The following SAFB variants were observed in gnomAD, a reference collection of about 807,000 sequenced individuals.
SAFB encodes the protein scaffold attachment factor B.
A neutral mutation model predicts 101.6 loss-of-function variants in SAFB; 15 were observed. That is an observed-to-expected ratio of 0.15 (90% CI 0.10 to 0.23). The LOEUF (loss-of-function observed/expected upper bound fraction) is 0.23, where lower values mean the gene tolerates loss of function less well. Ranked by LOEUF, SAFB falls within the 10% of genes least tolerant of loss-of-function variation. SAFB has a pLI of 1.00. For missense variants in SAFB, 930 were observed against 1,104.1 expected, an observed-to-expected ratio of 0.84 and a Z score of 2.23; for synonymous variants, 449 against 407.5, an observed-to-expected ratio of 1.10 and a Z score of -1.23.
intron 2 of SAFB, among the ~76,000 whole-genome samples, chr19:5,638,701 ACTTAAT>A (rs1024411503): frequency 7.1e-6 from 1 of 140,908 alleles, no homozygotes; most frequent in Admixed American, 7.1e-5. Context: ...TTTTTTTTAT[ACTTAAT>A]CTTAGTCTTT....
At chr19:5,646,833 G>A (rs371376559) in intron 5 of SAFB, among the ~76,000 whole-genome samples, 22 of 152,300 alleles carry the variant, frequency 1.4e-4, no homozygotes, top group African/African-American at 3.6e-4. Context: ...CCCCATGCTC[G>A]TGGGGCCTGG....
chr19:5,662,078 G>A (rs866120461), intron 15 of SAFB, among the ~76,000 whole-genome samples: 1 of 152,050 alleles, frequency 6.6e-6, no homozygotes, highest in African/African-American at 2.4e-5. Context: ...GTAGAGACGG[G>A]GTTTCACTGT....
chr19:5,630,227 A>G (rs1461776286), intron 2 of SAFB, among the ~76,000 whole-genome samples: 1 of 152,072 alleles, frequency 6.6e-6, no homozygotes. Context: ...TTTCGTTTGC[A>G]TTTCTTCACA....
chr19:5,648,777 C>T, intron 6 of SAFB: 1 of 717,710 alleles, frequency 1.4e-6, no homozygotes, highest in Non-Finnish European at 2.5e-6. Context: ...GGATGCTTTT[C>T]TCTTCCGTGT....
intron 2 of SAFB, among the ~76,000 whole-genome samples, chr19:5,626,840 G>A (rs1568244930): frequency 6.6e-6 from 1 of 152,166 alleles, no homozygotes; most frequent in Non-Finnish European, 1.5e-5. Context: ...GAGCCTGGGA[G>A]TTCAAGACCA....
chr19:5,657,357 G>A lies in SAFB; in HGVS notation c.1862+10G>A. 2.6e-6 allele frequency: 4 copies of A among 1,564,226 alleles called. No individual in the cohort carries two copies. Among genetic ancestry groups the A allele is most frequent in the Non-Finnish European group, 3.5e-6 (4 of 1,135,570 alleles). ...ACTCAGAGTCCCATAGGTGAGTAGG[G>A]ATCCAGGAACGGTTTGGTGTTTTTC... On this transcript the variant is annotated intron_variant, in intron 14 of 20. Coordinates refer to ENST00000588852, the MANE Select transcript of SAFB (RefSeq NM_001201338.2).
At position 5,653,351 on chromosome 19, in the gene SAFB, C is replaced by G; in HGVS notation, c.1457C>G (p.Pro486Arg). Residue 486 changes from proline (P) to arginine (R), a missense_variant, in exon 11 of 21, where the codon CCT (proline) becomes CGT (arginine). Physicochemically the swap from Pro to Arg is moderately radical, Grantham distance 103 (BLOSUM62 -2). Around this residue, in one of 7 missense-constraint regions of SAFB, gnomAD observed 92 missense variants for 83.8 expected, o/e 1.10. Transcript: ENST00000588852. ...MISVEKAKNE[P>R]VGKKTSDKRD... is the part of the protein sequence containing the mutation. ...TCTCTTTTTCAGGCCAAAAATGAAC[C>G]TGTGGGAAAGAAAACCTCTGACAAA... 2 of 1,614,106 alleles carry G rather than the reference C, an allele frequency of 1.2e-6. No individual in the cohort carries two copies. Among genetic ancestry groups the G allele is most frequent in the African/African-American group, 1.3e-5 (1 of 75,014 alleles).
intron 14 of SAFB, among the ~76,000 whole-genome samples, chr19:5,660,463 C>T (rs918977820): frequency 1.4e-5 from 2 of 146,794 alleles, no homozygotes; most frequent in Non-Finnish European, 3.0e-5. Context: ...AGTGATTGAT[C>T]CTCCCACCTC....
rs778094826 is a variant in SAFB at position 5,668,184 on chromosome 19, G to A, written c.2647G>A (p.Gly883Arg). The A allele has an allele frequency of 1.7e-5, 28 of 1,604,496 alleles. No individual in the cohort carries two copies. The highest frequency in any genetic ancestry group is 1.6e-4 in the South Asian group (14 of 89,970). The change falls in exon 21 of 21, where the codon GGG becomes AGG. Residue 883 changes from glycine to arginine, a missense_variant. Physicochemically the swap from Gly to Arg is moderately radical, Grantham distance 125 (BLOSUM62 -2). Around this residue, in one of 7 missense-constraint regions of SAFB, gnomAD observed 318 missense variants for 342.6 expected, o/e 0.93. Coordinates refer to ENST00000588852, the MANE Select transcript of SAFB (RefSeq NM_001201338.2). ...TAGGCGCGGCAGCTTTGCCCCAGGCGGGGCCTCCCGGGGCCACCCCATCCC... is the reference window on the plus strand; with the variant it reads ...TAGGCGCGGCAGCTTTGCCCCAGGCAGGGCCTCCCGGGGCCACCCCATCCC... ...MSGRGSFAPG[G>R]ASRGHPIPHG...
At chr19:5,648,395 G>A in intron 6 of SAFB, 1 of 311,348 alleles carries the variant, frequency 3.2e-6, no homozygotes, top group Non-Finnish European at 5.9e-6. Context: ...ATATTGGGCA[G>A]TAGCTTAATT....
intron 13 of SAFB, among the ~76,000 whole-genome samples, chr19:5,656,663 G>A (rs1226679032): frequency 6.8e-6 from 1 of 146,818 alleles, no homozygotes; most frequent in African/African-American, 2.5e-5. Flanking sequence ...TGCAACTACT[G>A]CCTCCCAGGT....
At chr19:5,624,080 C>T (rs2053275087) in intron 1 of SAFB, 1 of 151,786 alleles carries the variant, frequency 6.6e-6, no homozygotes, top group Non-Finnish European at 1.5e-5. Context: ...TTAAAACCAG[C>T]CTCAGAACTG....
intron 4 of SAFB, 76 bp downstream of exon 4, chr19:5,642,022 T>C (rs1002629130): frequency 1.4e-5 from 17 of 1,190,790 alleles, no homozygotes; most frequent in Non-Finnish European, 2.1e-5. Flanking sequence ...ATCAGTTTCA[T>C]ATTGGGAAGT....
At chr19:5,626,269 G>GC in intron 1 of SAFB, 136 bp from the exon 2 acceptor site, 2 of 577,674 alleles carry the variant, frequency 3.5e-6, no homozygotes, top group South Asian at 4.5e-5. Flanking sequence ...GAGTGGATGG[G>GC]CCACAGGTCC....
intron 14 of SAFB, among the ~76,000 whole-genome samples, chr19:5,658,851 A>AGG (rs1262568053): frequency 9.1e-6 from 1 of 110,370 alleles, no homozygotes; most frequent in Non-Finnish European, 1.8e-5. Flanking sequence ...TCAAAAAAAA[A>AGG]GGGGGGGTCG....
At chr19:5,664,570 A>G in intron 17 of SAFB, 131 bp downstream of exon 17, 2 of 734,358 alleles carry the variant, frequency 2.7e-6, no homozygotes, top group South Asian at 3.1e-5. Flanking sequence ...AAAGCACTAG[A>G]AAAGTCTAGG....
At chr19:5,650,127 C>A in intron 8 of SAFB, 152 bp downstream of exon 8, 1 of 648,500 alleles carries the variant, frequency 1.5e-6, no homozygotes, top group Non-Finnish European at 2.7e-6. Flanking sequence ...GTTACCGCTA[C>A]AGGTTCTGGG....
chr19:5,660,853 C>T (rs2054183577), intron 14 of SAFB, among the ~76,000 whole-genome samples: 1 of 151,780 alleles, frequency 6.6e-6, no homozygotes, highest in Non-Finnish European at 1.5e-5. Flanking sequence ...CTAGCCCCAC[C>T]TCACAAAGAC....
Position 5,653,414 on chromosome 19 carries a change from G to A in SAFB, c.1520G>A (p.Ser507Asn), listed in dbSNP as rs1257346475. Residue 507 changes from serine to asparagine, a missense_variant, in exon 11 of 21, where the codon AGT (serine) becomes AAT (asparagine). Physicochemically the swap from Ser to Asn is conservative, Grantham distance 46. Around this residue, in one of 7 missense-constraint regions of SAFB, gnomAD observed 92 missense variants for 83.8 expected, o/e 1.10. Coordinates refer to ENST00000588852, the MANE Select transcript of SAFB (RefSeq NM_001201338.2). The stretch of plus-strand genomic sequence containing the variant: ...GGGAAAAAGGAGAAGTCGAGCAACA[G>A]TGACAGGTACCCCTCCTTCCTGGCT... ...SDGKKEKSSN[S>N]DRSTNLKRDD... 3 of 1,613,962 alleles carry A rather than the reference G, an allele frequency of 1.9e-6. No homozygotes were observed. The highest frequency in any genetic ancestry group is 1.1e-5 in the South Asian group (1 of 91,076).
Sources: gnomAD v4.1 joint callset for allele counts (sites outside exome capture counted in the v4.1 genomes callset) on GRCh38, gnomAD v4.1.1 for gene constraint, gnomAD v4.1.1 regional missense constraint, MANE v1.5 for transcripts, NCBI Gene and HGNC (gene_info 2026-07-23, HGNC 2026-07-21) for gene names.